The following ZNF500 variants were observed in gnomAD, a reference collection of about 807,000 sequenced individuals.
The protein encoded by ZNF500 is zinc finger protein 500.
ZNF500 carries 31 observed loss-of-function variants against 30.1 expected under a neutral mutation model. The ratio of observed to expected loss-of-function variants is 1.03; its 90% CI spans 0.77 to 1.39. ZNF500 has a LOEUF of 1.39. Among genes scored for constraint, ZNF500 ranks in the 40% most tolerant of loss-of-function variants. The pLI, the probability that ZNF500 is intolerant of heterozygous loss-of-function variation, is 0.00. For missense variants in ZNF500, 817 were observed against 657.8 expected (o/e 1.24, Z -2.65); for synonymous variants, 392 against 282.0 (o/e 1.39, Z -3.91).
rs371847107 is a variant in ZNF500, at chr16:4,749,203, G to A, written c.*3173C>T. The A allele has an allele frequency of 5.6e-4, 86 of 154,600 alleles. 1 individual carries two copies. The South Asian group carries it at 6.1e-3, about 11-fold the overall frequency. 9.6% of individuals were successfully genotyped at this position (154,600 alleles called of 1,614,324 possible). ...CCCCCTCCACTCCGGGGCCTGTGCC[G>A]CCAGAACCGGGCTCTGCCCCCATAC... On this transcript the variant is annotated 3_prime_UTR_variant, in exon 6 of 6. Transcript: ENST00000219478.
rs1002458266 is a variant in ZNF500, at chr16:4,750,132, G to C, written c.*2244C>G. On this transcript the variant is annotated 3_prime_UTR_variant, in exon 6 of 6. Transcript: ENST00000219478. ...GGGCCTGGGGGCTCAGGCTGCGCTG[G>C]GGAGATGGGTGTCAGCAACGCTGGG... 7.2e-5 allele frequency: 11 copies of C among 152,710 alleles called. No individual in the cohort carries two copies. The highest frequency in any genetic ancestry group is 2.2e-4 in the African/African-American group (9 of 41,464). The allele number at this position is 152,710 out of a possible 1,614,324, so 9.5% of individuals were successfully genotyped here. A position where few individuals can be genotyped will look rare whatever the true frequency, so the allele number is the denominator to read the frequency against.
chr16:4,745,440 G>C (rs898724574), downstream of ZNF500, among the ~76,000 whole-genome samples: 4 of 152,178 alleles, frequency 2.6e-5, no homozygotes, highest in East Asian at 1.9e-4. Context: ...AAGGGCAACA[G>C]CCACCTGTCC....
chr16:4,751,932 G>C lies in ZNF500; in HGVS notation c.*444C>G. 1.0e-5 allele frequency: 4 copies of C among 384,278 alleles called. No individual in the cohort carries two copies. Among genetic ancestry groups the C allele is most frequent in the Non-Finnish European group, 1.6e-5 (4 of 250,558 alleles). 23.8% of individuals were successfully genotyped at this position (384,278 alleles called of 1,614,324 possible). The stretch of plus-strand genomic sequence containing the variant: ...CAAAAAAAAAAGGGGGGGGGAGCAG[G>C]TGGGGGGTACACACAGAGACAGCGC... On this transcript the variant is annotated 3_prime_UTR_variant, in exon 6 of 6. Coordinates refer to ENST00000219478, the MANE Select transcript of ZNF500 (RefSeq NM_021646.4).
chr16:4,751,640 C>T lies in ZNF500; in HGVS notation c.*736G>A. On this transcript the variant is annotated 3_prime_UTR_variant, in exon 6 of 6. Coordinates refer to ENST00000219478, the MANE Select transcript of ZNF500 (RefSeq NM_021646.4). ...AGGGGTCCCTCAAATTCATGTGCAC[C>T]CAGACCTCAGAATGTGACCTTATTT... 6.5e-7 allele frequency: 1 copy of T among 1,535,312 alleles called. No homozygotes were observed. Among genetic ancestry groups the T allele is most frequent in the Non-Finnish European group, 8.7e-7 (1 of 1,146,708 alleles).
intron 2 of ZNF500, 109 bp from the exon 3 acceptor site, chr16:4,762,865 C>T (rs950968678): frequency 2.1e-5 from 31 of 1,445,298 alleles, no homozygotes; most frequent in East Asian, 1.2e-4. Flanking sequence ...TGCCCACCCC[C>T]GGGCTGTCTG....
Position 4,752,558 on chromosome 16 carries a change from T to C in ZNF500, c.1261A>G (p.Ser421Gly), listed in dbSNP as rs1394993881. Residue 421 changes from serine (S) to glycine (G), a missense_variant, in exon 6 of 6, where the codon AGC (serine) becomes GGC (glycine). Ser to Gly is a moderately conservative substitution (Grantham distance 56). Transcript: ENST00000219478. ...CGGCGGTGGGCGCTGAAGTGCGAGCTGTTGTTGAAGCGCTTCCCGCACTGG... is the reference window on the plus strand; with the variant it reads ...CGGCGGTGGGCGCTGAAGTGCGAGCCGTTGTTGAAGCGCTTCCCGCACTGG... The part of the protein sequence containing the change: ...CTQCGKRFNN[S>G]SHFSAHRRTH... The C allele has an allele frequency of 3.8e-6, 6 of 1,574,300 alleles. No homozygotes were observed. Among genetic ancestry groups the C allele is most frequent in the Non-Finnish European group, 5.2e-6 (6 of 1,163,076 alleles).
intron 5 of ZNF500, among the ~76,000 whole-genome samples, chr16:4,753,355 A>G (rs1411122533): frequency 6.6e-6 from 1 of 152,178 alleles, no homozygotes. Flanking sequence ...CTAGCTACTC[A>G]GGAGGCTGAG....
At chr16:4,762,777 C>T (rs1224404637) in intron 2 of ZNF500, 21 bp from the exon 3 acceptor site, 1 of 1,565,026 alleles carries the variant, frequency 6.4e-7, no homozygotes, top group Non-Finnish European at 8.7e-7. Flanking sequence ...ACAGTGATCT[C>T]CCCACCAGCT....
intron 2 of ZNF500, chr16:4,763,205 C>G (rs2082226903): frequency 1.3e-6 from 1 of 770,648 alleles, no homozygotes; most frequent in Non-Finnish European, 1.6e-6. Flanking sequence ...CGAGACCAGC[C>G]TAACCAACAT....
At chr16:4,765,513 C>G in intron 2 of ZNF500, 52 bp downstream of exon 2, 6 of 1,533,914 alleles carry the variant, frequency 3.9e-6, no homozygotes, top group Non-Finnish European at 5.3e-6. Context: ...GCTGCAGACC[C>G]CAGCAGCAGG....
intron 5 of ZNF500, among the ~76,000 whole-genome samples, chr16:4,754,685 AT>A (rs1258847703): frequency 6.6e-6 from 1 of 151,440 alleles, no homozygotes. Flanking sequence ...AAAAAAAAAA[AT>A]AGAAAATAAA....
chr16:4,744,515 T>A (rs1313780318), downstream of ZNF500, among the ~76,000 whole-genome samples: 1 of 152,036 alleles, frequency 6.6e-6, no homozygotes, highest in Admixed American at 6.6e-5. Context: ...AAAAAACCTA[T>A]AGAGGATGAC....
At chr16:4,762,841 G>T (rs1162259203) in intron 2 of ZNF500, 85 bp from the exon 3 acceptor site, 3 of 1,465,252 alleles carry the variant, frequency 2.0e-6, no homozygotes, top group East Asian at 4.9e-5. Context: ...CTCATCTCAG[G>T]CACCCCAGCC....
downstream of ZNF500, chr16:4,746,587 T>C: frequency 6.7e-7 from 1 of 1,494,028 alleles, no homozygotes; most frequent in Non-Finnish European, 9.1e-7. Flanking sequence ...GAGCCTCTGG[T>C]GGATCCTGAT....
intron 5 of ZNF500, among the ~76,000 whole-genome samples, chr16:4,757,849 G>A (rs550676785): frequency 2.7e-5 from 4 of 148,522 alleles, no homozygotes; most frequent in African/African-American, 1.0e-4. Flanking sequence ...TGATCCACCC[G>A]CCTCAGCCTC....
At chr16:4,757,902 AT>A (rs112830341) in intron 5 of ZNF500, among the ~76,000 whole-genome samples, 1,476 of 133,314 alleles carry the variant, frequency 0.011, 17 homozygotes, top group African/African-American at 0.036. Flanking sequence ...GCGCCAGCCA[AT>A]TTTTTTTTTT....
At chr16:4,766,276 T>C (rs1442807535) in intron 1 of ZNF500, among the ~76,000 whole-genome samples, 200 bp from the exon 2 acceptor site, 3 of 152,228 alleles carry the variant, frequency 2.0e-5, no homozygotes, top group Non-Finnish European at 4.4e-5. Flanking sequence ...CTTTGCTTCC[T>C]CACTGGGCAA....
At chr16:4,763,656 A>C in intron 2 of ZNF500, 1 of 985,382 alleles carries the variant, frequency 1.0e-6, no homozygotes, top group Non-Finnish European at 1.2e-6. Context: ...TGCCCCTCTC[A>C]GCTCAGTGAT....
At chr16:4,758,070 G>T (rs2082156600) in intron 5 of ZNF500, among the ~76,000 whole-genome samples, 1 of 150,758 alleles carries the variant, frequency 6.6e-6, no homozygotes, top group African/African-American at 2.4e-5. Flanking sequence ...CCTAATTTTT[G>T]TATTTTTAAT....
Sources: allele counts gnomAD v4.1 joint callset (sites outside exome capture counted in the v4.1 genomes callset), GRCh38; gene constraint gnomAD v4.1.1; transcripts MANE v1.5; gene names NCBI Gene and HGNC (gene_info 2026-07-23, HGNC 2026-07-21).